Variants in CPQ observed in about 807,000 individuals in gnomAD.
CPQ encodes the protein Ser-Met dipeptidase.
A neutral mutation model predicts 45.7 loss-of-function variants in CPQ; 37 were observed. The observed-to-expected ratio is 0.81, with a 90% CI of 0.62 to 1.07. CPQ has a LOEUF of 1.07. Among genes scored for constraint, CPQ ranks in the 50% least tolerant of loss-of-function variants. The pLI is 0.00. For synonymous variants in CPQ, 186 were observed against 205.8 expected (o/e 0.90, Z 0.82); for missense variants, 537 against 572.9 (o/e 0.94, Z 0.64).
chr8:96,897,066 A>C (rs945298579), intron 4 of CPQ, among the ~76,000 whole-genome samples: 1 of 152,194 alleles, frequency 6.6e-6, no homozygotes, highest in East Asian at 1.9e-4. Flanking sequence ...AAATTGAGGC[A>C]GTATTATCAT....
intron 4 of CPQ, among the ~76,000 whole-genome samples, chr8:96,886,154 C>G (rs1436385337): frequency 1.3e-5 from 2 of 152,172 alleles, no homozygotes; most frequent in East Asian, 3.9e-4. Context: ...AGAAACTGTA[C>G]TCTTCTGTGA....
At chr8:97,040,234 T>A (rs1586508646) in intron 6 of CPQ, among the ~76,000 whole-genome samples, 1 of 152,328 alleles carries the variant, frequency 6.6e-6, no homozygotes, top group African/African-American at 2.4e-5. Context: ...TGATGGCCAC[T>A]GATGGTGAGC....
intron 5 of CPQ, among the ~76,000 whole-genome samples, chr8:96,987,334 G>T (rs1451738532): frequency 1.3e-5 from 2 of 152,148 alleles, no homozygotes; most frequent in Non-Finnish European, 2.9e-5. Context: ...AAGTGAGAGG[G>T]CCAGAGGGAA....
intron 6 of CPQ, among the ~76,000 whole-genome samples, chr8:97,044,841 G>A (rs1209726873): frequency 6.6e-6 from 1 of 152,188 alleles, no homozygotes; most frequent in African/African-American, 2.4e-5. Context: ...TCCTTCCTCT[G>A]GAATTTTTGT....
At chr8:96,848,769 A>G (rs1236086487) in intron 3 of CPQ, among the ~76,000 whole-genome samples, 1 of 152,170 alleles carries the variant, frequency 6.6e-6, no homozygotes, top group African/African-American at 2.4e-5. Context: ...ATGTTTTTGT[A>G]TAGTGACAAT....
chr8:96,902,558 A>C (rs1812524924), intron 4 of CPQ, among the ~76,000 whole-genome samples: 1 of 152,194 alleles, frequency 6.6e-6, no homozygotes, highest in Non-Finnish European at 1.5e-5. Flanking sequence ...TGTAACAGAT[A>C]CACATTTTAT....
intron 1 of CPQ, among the ~76,000 whole-genome samples, chr8:96,656,457 C>T (rs1027969067): frequency 4.6e-5 from 7 of 152,140 alleles, no homozygotes; most frequent in African/African-American, 1.7e-4. Flanking sequence ...GGGCTGCAGG[C>T]TGGACTCTGA....
At position 96,818,385 on chromosome 8, in the gene CPQ, T is replaced by C. The variant is rs565570687; in HGVS notation, c.434-16588T>C. Among the ~76,000 whole-genome samples, 16 of 151,994 alleles carry C rather than the reference T, an allele frequency of 1.1e-4. 1 individual carries two copies. The South Asian group carries it at 2.7e-3, about 26-fold the overall frequency. On this transcript the variant is annotated intron_variant, in intron 2 of 7. Transcript: ENST00000220763. The stretch of plus-strand genomic sequence containing the variant: ...TGATCATAGATCATCATAACAGATA[T>C]AGTAAAAATGAAAATTCTTGAAATA...
intron 6 of CPQ, among the ~76,000 whole-genome samples, chr8:97,036,634 G>A (rs767750281): frequency 7.9e-5 from 12 of 152,122 alleles, no homozygotes; most frequent in Non-Finnish European, 1.0e-4. Flanking sequence ...AAGGAGAACA[G>A]GATGTCATTT....
intron 1 of CPQ, among the ~76,000 whole-genome samples, chr8:96,781,318 G>C (rs1005200531): frequency 1.3e-5 from 2 of 152,170 alleles, no homozygotes; most frequent in Non-Finnish European, 2.9e-5. Flanking sequence ...GAAAGTCCAA[G>C]ATTGAGGGGC....
At chr8:96,686,520 A>G (rs1449263211) in intron 1 of CPQ, among the ~76,000 whole-genome samples, 2 of 151,820 alleles carry the variant, frequency 1.3e-5, no homozygotes, top group Admixed American at 1.3e-4. Context: ...ATTGTTATAC[A>G]TTATTCTTTT....
At chr8:96,710,558 C>A in intron 1 of CPQ, among the ~76,000 whole-genome samples, 1 of 152,100 alleles carries the variant, frequency 6.6e-6, no homozygotes, top group East Asian at 1.9e-4. Flanking sequence ...TATTATTATT[C>A]ATTTTGAATC....
intron 4 of CPQ, among the ~76,000 whole-genome samples, chr8:96,912,766 A>G (rs779150457): frequency 6.6e-6 from 1 of 152,238 alleles, no homozygotes; most frequent in Non-Finnish European, 1.5e-5. Flanking sequence ...TAGAGTCTTT[A>G]AATAGTCTCA....
At chr8:96,740,409 C>G (rs1157067297) in intron 1 of CPQ, among the ~76,000 whole-genome samples, 1 of 152,072 alleles carries the variant, frequency 6.6e-6, no homozygotes, top group Non-Finnish European at 1.5e-5. Flanking sequence ...CATCTGCAAA[C>G]AGGGACAATT....
At chr8:96,928,946 G>A (rs551094031) in intron 4 of CPQ, among the ~76,000 whole-genome samples, 266 of 152,068 alleles carry the variant, frequency 1.7e-3, no homozygotes, top group Non-Finnish European at 3.0e-3. Flanking sequence ...CTCAACTCAG[G>A]TTGCTTTTAA....
chr8:96,750,832 T>G (rs942713139), intron 1 of CPQ, among the ~76,000 whole-genome samples: 1 of 152,126 alleles, frequency 6.6e-6, no homozygotes, highest in African/African-American at 2.4e-5. Flanking sequence ...TTTCCCCCAG[T>G]GTGTCCATGT....
intron 6 of CPQ, among the ~76,000 whole-genome samples, chr8:97,047,281 C>T (rs898684439): frequency 6.6e-6 from 1 of 152,180 alleles, no homozygotes; most frequent in Non-Finnish European, 1.5e-5. Flanking sequence ...AGGTGCAGAG[C>T]CTGAACTTGG....
intron 3 of CPQ, among the ~76,000 whole-genome samples, chr8:96,842,695 T>A (rs1811628473): frequency 6.6e-6 from 1 of 152,188 alleles, no homozygotes; most frequent in African/African-American, 2.4e-5. Context: ...TATTATTGTA[T>A]CAGGTAGTGT....
rs569338061 is a variant in CPQ, at chr8:97,125,733, G to T, written c.1256-17287G>T. 1.7e-4 allele frequency among the ~76,000 whole-genome samples: 26 copies of T among 152,262 alleles called. 1 individual carries two copies. The South Asian group carries it at 5.4e-3, about 32-fold the overall frequency. On this transcript the variant is annotated intron_variant, in intron 7 of 7. Transcript: ENST00000220763. ...GGAATAGTGACAGCTTCCTCGACCT[G>T]TTAAAAGGCAGTGATGTCAAATCTT...
Sources: allele counts gnomAD v4.1 joint callset (sites outside exome capture counted in the v4.1 genomes callset), GRCh38; gene constraint gnomAD v4.1.1; transcripts MANE v1.5; gene names NCBI Gene and HGNC (gene_info 2026-07-23, HGNC 2026-07-21).